The following TMEM87B variants were observed in gnomAD, a reference collection of about 807,000 sequenced individuals.
TMEM87B encodes the protein transmembrane protein 87B.
A neutral mutation model predicts 80.3 loss-of-function variants in TMEM87B; 83 were observed. That is an observed-to-expected ratio of 1.03 (90% CI 0.87 to 1.24). TMEM87B has a LOEUF of 1.24. Among genes scored for constraint, TMEM87B ranks in the 50% most tolerant of loss-of-function variants. TMEM87B has a pLI of 0.00. For synonymous variants in TMEM87B, 219 were observed against 230.5 expected, an observed-to-expected ratio of 0.95 and a Z score of 0.45; for missense variants, 625 against 674.4, an observed-to-expected ratio of 0.93 and a Z score of 0.81.
rs190954560 is a variant in TMEM87B, at chr2:112,108,005, C to A, written c.1577+165C>A. Among the ~76,000 whole-genome samples the A allele has an allele frequency of 1.2e-4, 19 of 152,268 alleles. No homozygotes were observed. The East Asian group carries it at 3.7e-3, about 29-fold the overall frequency. ...TTACAGAACTGCAAAGAAAACAAAA[C>A]CCTGGCTTGTTTTGTTTTTCACGAT... On this transcript the variant is annotated intron_variant, in intron 17 of 18. Coordinates refer to ENST00000283206, the MANE Select transcript of TMEM87B (RefSeq NM_032824.3).
intron 1 of TMEM87B, among the ~76,000 whole-genome samples, chr2:112,059,626 T>C (rs922029522): frequency 8.5e-5 from 13 of 152,158 alleles, no homozygotes; most frequent in Admixed American, 7.9e-4. Context: ...GACAGTTCCT[T>C]ATCAAAAGTA....
At chr2:112,101,526 C>T (rs1164833305) in intron 15 of TMEM87B, among the ~76,000 whole-genome samples, 1 of 152,168 alleles carries the variant, frequency 6.6e-6, no homozygotes, top group Non-Finnish European at 1.5e-5. Context: ...AACTTAACTA[C>T]TGATAGTCAA....
intron 4 of TMEM87B, 40 bp from the exon 5 acceptor site, chr2:112,074,872 T>C: frequency 6.7e-7 from 1 of 1,502,306 alleles, no homozygotes; most frequent in Non-Finnish European, 8.9e-7. Flanking sequence ...TCCGTAGAAA[T>C]GCAGCAGTAT....
chr2:112,088,814 A>G (rs1448409835), intron 9 of TMEM87B, among the ~76,000 whole-genome samples: 1 of 152,114 alleles, frequency 6.6e-6, no homozygotes, highest in African/African-American at 2.4e-5. Flanking sequence ...GCTAGAGTGC[A>G]GTGGTGCGAT....
intron 3 of TMEM87B, among the ~76,000 whole-genome samples, chr2:112,064,599 A>G (rs1245006072): frequency 3.3e-5 from 5 of 152,250 alleles, no homozygotes; most frequent in African/African-American, 9.6e-5. Flanking sequence ...ATTGAGTACA[A>G]GTAGATTTAG....
At chr2:112,071,971 TATTA>T (rs1255581506) in intron 4 of TMEM87B, among the ~76,000 whole-genome samples, 1 of 152,220 alleles carries the variant, frequency 6.6e-6, no homozygotes, top group African/African-American at 2.4e-5. Flanking sequence ...ATACCTAGTT[TATTA>T]GAGTTTTTAA....
At chr2:112,061,391 T>C (rs1678254267) in intron 2 of TMEM87B, among the ~76,000 whole-genome samples, 1 of 152,224 alleles carries the variant, frequency 6.6e-6, no homozygotes, top group Non-Finnish European at 1.5e-5. Context: ...CAGATCATGC[T>C]CTGCTCATTT....
intron 11 of TMEM87B, chr2:112,095,601 T>A: frequency 1.9e-6 from 1 of 520,964 alleles, no homozygotes; most frequent in Non-Finnish European, 2.5e-6. Flanking sequence ...TTTGCATTTT[T>A]AAAGTTCTCA....
intron 4 of TMEM87B, among the ~76,000 whole-genome samples, chr2:112,070,431 A>C (rs1489748186): frequency 2.0e-5 from 3 of 152,192 alleles, no homozygotes; most frequent in African/African-American, 7.2e-5. Flanking sequence ...TTGAATAGGG[A>C]GTCTTTTCCC....
rs775249174 is a variant in TMEM87B at position 112,074,975 on chromosome 2, A to T, written c.501+13A>T. 96 of 1,580,066 alleles carry T rather than the reference A, an allele frequency of 6.1e-5. No individual in the cohort carries two copies. Among genetic ancestry groups the T allele is most frequent in the Non-Finnish European group, 8.1e-5 (94 of 1,159,378 alleles). On this transcript the variant is annotated intron_variant, in intron 5 of 18. Transcript: ENST00000283206. ...GGAAAGATCAATGGTAAGCAGTTTG[A>T]TTTGTCTTTAAATCAAATATACACA...
chr2:112,069,109 G>A (rs1453459927), intron 4 of TMEM87B, among the ~76,000 whole-genome samples: 4 of 150,042 alleles, frequency 2.7e-5, no homozygotes, highest in Non-Finnish European at 4.4e-5. Flanking sequence ...GGAGAATGGC[G>A]TGAACCCGGG....
At chr2:112,100,565 C>T (rs1400856672) in intron 14 of TMEM87B, 57 bp from the exon 15 acceptor site, 2 of 1,141,506 alleles carry the variant, frequency 1.8e-6, no homozygotes, top group African/African-American at 3.2e-5. Flanking sequence ...TAGATATAAA[C>T]TGAAAATTGA....
chr2:112,090,442 G>T (rs1243317484), intron 10 of TMEM87B, among the ~76,000 whole-genome samples: 1 of 151,868 alleles, frequency 6.6e-6, no homozygotes, highest in African/African-American at 2.4e-5. Flanking sequence ...ACAGGGTCTT[G>T]CTCTGTTGCC....
At position 112,116,068 on chromosome 2, in the gene TMEM87B, C is replaced by T. The variant is rs1680014938; in HGVS notation, c.1609-16C>T. Reference sequence around the variant, plus strand: ...GTATCAACATGTTGATACATATCTTCTTTTTTTTTCTTCAGGAAATCATGA... The same window carrying T: ...GTATCAACATGTTGATACATATCTTTTTTTTTTTTCTTCAGGAAATCATGA... On this transcript the variant is annotated splice_polypyrimidine_tract_variant and intron_variant, in intron 18 of 18. Coordinates refer to ENST00000283206, the MANE Select transcript of TMEM87B (RefSeq NM_032824.3). 2 of 1,573,922 alleles carry T rather than the reference C, an allele frequency of 1.3e-6. No individual in the cohort carries two copies. Among genetic ancestry groups the T allele is most frequent in the Non-Finnish European group, 1.7e-6 (2 of 1,152,560 alleles).
At position 112,089,689 on chromosome 2, in the gene TMEM87B, G is replaced by T. The variant is rs774393619; in HGVS notation, c.1003G>T (p.Ala335Ser). 6.2e-7 allele frequency: 1 copy of T among 1,614,138 alleles called. No homozygotes were observed. The highest frequency in any genetic ancestry group is 8.5e-7 in the Non-Finnish European group (1 of 1,179,990). Residue 335 changes from alanine (A) to serine (S), a missense_variant, in exon 10 of 19, where the codon GCT (alanine) becomes TCT (serine). Physicochemically the swap from Ala to Ser is moderately conservative, Grantham distance 99. Transcript: ENST00000283206. ...GLGLLYLIFA[A>S]VEGVMRVIGG... ...GGGGCTTCTATACTTAATCTTTGCA[G>T]CTGTTGAAGGCGTGATGAGAGTCAT...
At chr2:112,100,588 A>T in intron 14 of TMEM87B, 34 bp from the exon 15 acceptor site, 1 of 1,412,516 alleles carries the variant, frequency 7.1e-7, no homozygotes, top group Non-Finnish European at 9.9e-7. Context: ...AAGTTTAAAC[A>T]TACTAGTAAA....
At chr2:112,073,972 T>C (rs1678735486) in intron 4 of TMEM87B, among the ~76,000 whole-genome samples, 1 of 152,212 alleles carries the variant, frequency 6.6e-6, no homozygotes, top group Non-Finnish European at 1.5e-5. Flanking sequence ...CCCTTTATTT[T>C]GAGCCTGTGG....
chr2:112,099,351 T>C (rs72829658), intron 14 of TMEM87B, among the ~76,000 whole-genome samples: 3,369 of 152,052 alleles, frequency 0.022, 34 homozygotes, highest in African/African-American at 0.027. Flanking sequence ...TTGGAACATT[T>C]TGAATTTCAG....
intron 17 of TMEM87B, among the ~76,000 whole-genome samples, chr2:112,108,074 T>G (rs1679820633): frequency 6.6e-6 from 1 of 152,220 alleles, no homozygotes; most frequent in African/African-American, 2.4e-5. Context: ...CAACTCTAGC[T>G]TTTTCTGATC....
Sources: gnomAD v4.1 joint callset for allele counts (sites outside exome capture counted in the v4.1 genomes callset) on GRCh38, gnomAD v4.1.1 for gene constraint, MANE v1.5 for transcripts, NCBI Gene and HGNC (gene_info 2026-07-23, HGNC 2026-07-21) for gene names.